Variants in SUGCT observed in about 807,000 individuals in gnomAD.
The protein encoded by SUGCT is succinyl-CoA:glutarate-CoA transferase.
Under a neutral mutation model 55.0 loss-of-function variants are expected in SUGCT, and 41 were observed. The observed-to-expected ratio is 0.74, with a 90% confidence interval of 0.58 to 0.97. The LOEUF is 0.97. SUGCT is among the 50% of genes least tolerant of loss of function. The probability of loss-of-function intolerance (pLI) is 0.00; values close to 1 mark genes in which losing one functional copy is unlikely to be tolerated. For missense variants in SUGCT, 568 were observed against 547.8 expected, an observed-to-expected ratio of 1.04 and a Z score of -0.37; for synonymous variants, 187 against 200.4, an observed-to-expected ratio of 0.93 and a Z score of 0.56.
chr7:40,896,151 AG>A, the SUGCT span, among the ~76,000 whole-genome samples: 1 of 152,344 alleles, frequency 6.6e-6, no homozygotes, highest in East Asian at 1.9e-4. Context: ...GTAAAGTTTC[AG>A]GGTACATTTG....
chr7:40,827,667 C>G (rs888012661), intron 13 of SUGCT, among the ~76,000 whole-genome samples: 2 of 152,164 alleles, frequency 1.3e-5, no homozygotes, highest in African/African-American at 4.8e-5. Context: ...CGGGCCTGAT[C>G]CTCTCCTTGT....
chr7:41,006,121 A>G, the SUGCT span, among the ~76,000 whole-genome samples: 14 of 152,344 alleles, frequency 9.2e-5, no homozygotes, highest in African/African-American at 3.4e-4. Flanking sequence ...TAAAAAGCCC[A>G]GTTCAGAGAC....
At chr7:40,821,337 T>G (rs1173250575) in intron 13 of SUGCT, among the ~76,000 whole-genome samples, 1 of 152,218 alleles carries the variant, frequency 6.6e-6, no homozygotes, top group Non-Finnish European at 1.5e-5. Flanking sequence ...TCAGAAGGAA[T>G]GGTACCAGCT....
rs527367158 is a variant in SUGCT, at chr7:40,185,591, C to T, written c.227-2904C>T. Among the ~76,000 whole-genome samples the T allele has an allele frequency of 5.9e-5, 9 of 152,236 alleles. No homozygotes were observed. In the East Asian group the frequency reaches 9.7e-4, roughly 16 times the overall value. On this transcript the variant is annotated intron_variant, in intron 3 of 13. Coordinates refer to ENST00000335693, the MANE Select transcript of SUGCT (RefSeq NM_001193313.2). ...AGGCTGGAGTGCAATGGCACGATCT[C>T]GGCTCACTGCAACCTCTACCTCCCA...
rs149294764 is a variant in SUGCT, at chr7:40,448,554, T to C, written c.817-733T>C. ...CTAAATGAAACCAACTATCCAAATA[T>C]AAAAGAAAAAGGGCCAGGCATGGTG... On this transcript the variant is annotated intron_variant, in intron 9 of 13. Transcript: ENST00000335693. Among the ~76,000 whole-genome samples, 763 of 151,822 alleles carry C rather than the reference T, an allele frequency of 5.0e-3. 10 individuals are homozygous for C. The highest frequency in any genetic ancestry group is 0.017 in the African/African-American group (714 of 41,396).
rs70990644 is a variant in SUGCT, at chr7:40,772,494, A to ATATCTATC, written c.1153+23059_1153+23066dup. ...ATCCTTATGTGTCAATTCTTTTGAA[A>ATATCTATC]TATCTATCTATCTATCTATCTATCT... is the stretch of plus-strand genomic sequence containing the variant. On this transcript the variant is annotated intron_variant, in intron 13 of 13. Transcript: ENST00000335693. Among the ~76,000 whole-genome samples the ATATCTATC allele has an allele frequency of 4.8e-3, 481 of 99,412 alleles. 4 individuals are homozygous for ATATCTATC. Among genetic ancestry groups the ATATCTATC allele is most frequent in the East Asian group, 0.014 (30 of 2,134 alleles). The allele number at this position is 99,412 out of a possible 152,430, so 65.2% of individuals were successfully genotyped here.
intron 12 of SUGCT, among the ~76,000 whole-genome samples, chr7:40,507,326 A>G (rs766885061): frequency 3.3e-5 from 5 of 151,988 alleles, no homozygotes; most frequent in Admixed American, 1.3e-4. Flanking sequence ...TTTATCTGCC[A>G]CCTTGGGGTA....
intron 9 of SUGCT, among the ~76,000 whole-genome samples, chr7:40,411,348 G>A (rs1032926172): frequency 2.0e-5 from 3 of 152,316 alleles, no homozygotes; most frequent in South Asian, 2.1e-4. Context: ...AGCCGAGATC[G>A]TGCCACTGTG....
rs1471657827 is a variant in SUGCT, at chr7:40,531,260, A to G, written c.1089+34874A>G. 2.6e-5 allele frequency among the ~76,000 whole-genome samples: 4 copies of G among 152,184 alleles called. No individual in the cohort carries two copies. The South Asian group carries it at 8.3e-4, about 32-fold the overall frequency. On this transcript the variant is annotated intron_variant, in intron 12 of 13. Transcript: ENST00000335693. ...AGATCATGCACTATCTAAACCTCAG[A>G]AGAGCTCTGTAAAGTAACTAGTGTT...
intron 10 of SUGCT, among the ~76,000 whole-genome samples, chr7:40,457,708 A>G (rs899085993): frequency 2.6e-5 from 4 of 152,226 alleles, no homozygotes; most frequent in Non-Finnish European, 5.9e-5. Context: ...AACAAAAAAG[A>G]GTTCCAGTAA....
chr7:40,623,406 T>A (rs1227373677), intron 12 of SUGCT, among the ~76,000 whole-genome samples: 1 of 152,196 alleles, frequency 6.6e-6, no homozygotes, highest in Non-Finnish European at 1.5e-5. Flanking sequence ...ACTCTGCCCT[T>A]AATTTCACAT....
chr7:41,006,969 C>G, the SUGCT span, among the ~76,000 whole-genome samples: 3 of 152,084 alleles, frequency 2.0e-5, no homozygotes, highest in South Asian at 4.1e-4. Context: ...GTGATGGGCT[C>G]TATCACAACA....
chr7:40,952,346 T>C, the SUGCT span, among the ~76,000 whole-genome samples: 1 of 152,204 alleles, frequency 6.6e-6, no homozygotes, highest in Admixed American at 6.5e-5. Flanking sequence ...CCTATGTGTG[T>C]TTCTGCACAT....
chr7:40,193,619 A>G (rs1462424579), intron 5 of SUGCT, among the ~76,000 whole-genome samples: 1 of 148,386 alleles, frequency 6.7e-6, no homozygotes, highest in Admixed American at 6.8e-5. Context: ...TTTTTTTTGA[A>G]GCAGGTTCTC....
intron 1 of SUGCT, among the ~76,000 whole-genome samples, chr7:40,146,579 G>GCTAA (rs1458046782): frequency 3.3e-5 from 5 of 152,272 alleles, no homozygotes; most frequent in Admixed American, 2.0e-4. Context: ...ATGGGCTCTG[G>GCTAA]CTAGTTATCT....
chr7:40,464,407 G>A (rs1789987096), intron 11 of SUGCT, among the ~76,000 whole-genome samples: 1 of 152,160 alleles, frequency 6.6e-6, no homozygotes, highest in African/African-American at 2.4e-5. Context: ...GGGAAATCAG[G>A]GAAGGCTTCC....
the SUGCT span, among the ~76,000 whole-genome samples, chr7:40,931,790 G>A: frequency 9.9e-5 from 15 of 152,186 alleles, no homozygotes; most frequent in South Asian, 2.7e-3. Context: ...ATTTTTTATT[G>A]CATCTATTTG....
At chr7:40,377,217 CTT>C (rs775760978) in intron 9 of SUGCT, among the ~76,000 whole-genome samples, 2 of 10,990 alleles carry the variant, frequency 1.8e-4, no homozygotes, top group Admixed American at 1.5e-3. Context: ...TCTTTTCTTT[CTT>C]TTCTTTCTTT....
chr7:40,234,332 G>C (rs996180705), intron 6 of SUGCT, among the ~76,000 whole-genome samples: 1 of 152,170 alleles, frequency 6.6e-6, no homozygotes, highest in African/African-American at 2.4e-5. Context: ...TTTGTGCTGG[G>C]GACTACCAGT....
Sources: allele counts gnomAD v4.1 joint callset (sites outside exome capture counted in the v4.1 genomes callset), GRCh38; gene constraint gnomAD v4.1.1; transcripts MANE v1.5; gene names NCBI Gene and HGNC (gene_info 2026-07-23, HGNC 2026-07-21).